The following CCNY variants were observed in gnomAD, a reference collection of about 807,000 sequenced individuals.
The protein encoded by CCNY is cyclin-Y.
CCNY carries 19 observed loss-of-function variants against 42.8 expected under a neutral mutation model. The observed-to-expected ratio is 0.44, with a 90% CI of 0.31 to 0.65. The LOEUF (loss-of-function observed/expected upper bound fraction) is 0.65. Ranked by LOEUF, CCNY falls within the 30% of genes least tolerant of loss-of-function variation. The probability of loss-of-function intolerance (pLI) is 0.07; values close to 1 mark genes in which losing one functional copy is unlikely to be tolerated. For synonymous variants in CCNY, 165 were observed against 162.7 expected (o/e 1.01, Z -0.11); for missense variants, 370 against 437.3 (o/e 0.85, Z 1.37).
intron 3 of CCNY, among the ~76,000 whole-genome samples, chr10:35,281,831 G>T (rs1228030762): frequency 6.6e-6 from 1 of 152,086 alleles, no homozygotes; most frequent in Non-Finnish European, 1.5e-5. Flanking sequence ...GGTGTTGATT[G>T]TGGTAATACT....
intron 7 of CCNY, among the ~76,000 whole-genome samples, chr10:35,536,979 T>C (rs1307008923): frequency 1.3e-5 from 2 of 151,996 alleles, no homozygotes; most frequent in Admixed American, 1.3e-4. Flanking sequence ...ATGTCAGAGG[T>C]CTTCAGGGCA....
At chr10:35,498,429 A>G (rs1840044622) in intron 2 of CCNY, among the ~76,000 whole-genome samples, 1 of 152,188 alleles carries the variant, frequency 6.6e-6, no homozygotes, top group Non-Finnish European at 1.5e-5. Flanking sequence ...CAGGCCCTTT[A>G]AGGATGGCTG....
chr10:35,401,993 C>T (rs1366878665), intron 1 of CCNY, among the ~76,000 whole-genome samples: 2 of 152,116 alleles, frequency 1.3e-5, no homozygotes, highest in Non-Finnish European at 2.9e-5. Context: ...AATATGATGG[C>T]TTAGCTTGGG....
At chr10:35,268,679 T>C (rs2095728093) in intron 3 of CCNY, among the ~76,000 whole-genome samples, 1 of 152,220 alleles carries the variant, frequency 6.6e-6, no homozygotes, top group Non-Finnish European at 1.5e-5. Flanking sequence ...CTTTGAAATC[T>C]AGGTGGAGAT....
intron 3 of CCNY, among the ~76,000 whole-genome samples, chr10:35,280,177 A>G (rs995750849): frequency 6.6e-6 from 1 of 152,166 alleles, no homozygotes; most frequent in Non-Finnish European, 1.5e-5. Context: ...AAATACAAAA[A>G]TTAGCCAAGC....
At chr10:35,455,357 C>T (rs1476709676) in intron 1 of CCNY, 1 of 152,176 alleles carries the variant, frequency 6.6e-6, no homozygotes, top group Non-Finnish European at 1.5e-5. Flanking sequence ...TGTTCTCTAG[C>T]ACAGGGAATC....
chr10:35,436,529 TG>T (rs1838536667), intron 1 of CCNY, among the ~76,000 whole-genome samples: 1 of 152,080 alleles, frequency 6.6e-6, no homozygotes, highest in Admixed American at 6.5e-5. Flanking sequence ...AGAGCTGTTG[TG>T]GGGGTCATGA....
chr10:35,268,541 C>T (rs1589008426), intron 3 of CCNY, among the ~76,000 whole-genome samples: 2 of 152,054 alleles, frequency 1.3e-5, no homozygotes, highest in South Asian at 4.1e-4. Context: ...TGCTGGTGGC[C>T]CCACAAGTCT....
chr10:35,400,953 G>A (rs929951498), intron 1 of CCNY, among the ~76,000 whole-genome samples: 1 of 152,150 alleles, frequency 6.6e-6, no homozygotes, highest in Non-Finnish European at 1.5e-5. Context: ...GAGAGAAATA[G>A]AAGGTGGTAG....
intron 3 of CCNY, among the ~76,000 whole-genome samples, chr10:35,327,452 T>A (rs1835892944): frequency 6.6e-6 from 1 of 152,236 alleles, no homozygotes; most frequent in African/African-American, 2.4e-5. Context: ...TGGCAATTTT[T>A]AGCATATTTT....
At chr10:35,544,099 T>C (rs1015647005) in intron 7 of CCNY, among the ~76,000 whole-genome samples, 1 of 152,232 alleles carries the variant, frequency 6.6e-6, no homozygotes, top group African/African-American at 2.4e-5. Context: ...TAATTTATTA[T>C]TACAGAAAAT....
chr10:35,394,072 A>C (rs963590207), intron 1 of CCNY, among the ~76,000 whole-genome samples: 7 of 152,186 alleles, frequency 4.6e-5, no homozygotes, highest in Admixed American at 3.3e-4. Flanking sequence ...CCCGTTCTTC[A>C]CTCTCCAGTG....
intron 1 of CCNY, among the ~76,000 whole-genome samples, chr10:35,427,669 A>G (rs894459533): frequency 6.6e-6 from 1 of 152,268 alleles, no homozygotes; most frequent in Non-Finnish European, 1.5e-5. Context: ...TGTGACCCAC[A>G]GGGTCATATG....
chr10:35,358,447 G>C (rs1423154726), intron 1 of CCNY, among the ~76,000 whole-genome samples: 1 of 152,180 alleles, frequency 6.6e-6, no homozygotes, highest in East Asian at 1.9e-4. Flanking sequence ...ATTCAGTGGA[G>C]AAAGACCAGA....
chr10:35,294,411 A>C (rs770583088), intron 3 of CCNY, among the ~76,000 whole-genome samples: 8 of 152,252 alleles, frequency 5.3e-5, no homozygotes, highest in Non-Finnish European at 1.2e-4. Flanking sequence ...AATGTCATTT[A>C]TCAGGTTGAG....
upstream of CCNY, among the ~76,000 whole-genome samples, chr10:35,331,643 G>A (rs1239072914): frequency 1.3e-5 from 2 of 152,082 alleles, no homozygotes; most frequent in African/African-American, 2.4e-5. Flanking sequence ...TCAACACAAC[G>A]TCCCTGGCAG....
intron 1 of CCNY, among the ~76,000 whole-genome samples, chr10:35,465,751 TA>T (rs1399628282): frequency 3.9e-5 from 6 of 152,116 alleles, no homozygotes; most frequent in African/African-American, 1.4e-4. Context: ...GTCCTCCAAA[TA>T]AAAATCCAGC....
At chr10:35,338,909 C>T (rs562519287) in intron 1 of CCNY, among the ~76,000 whole-genome samples, 5 of 152,302 alleles carry the variant, frequency 3.3e-5, no homozygotes, top group East Asian at 3.9e-4. Context: ...AGGTATTTGG[C>T]ACTAAGGCTC....
chr10:35,413,909 C>T (rs937383617), intron 1 of CCNY, among the ~76,000 whole-genome samples: 1 of 152,168 alleles, frequency 6.6e-6, no homozygotes, highest in Non-Finnish European at 1.5e-5. Context: ...TCGGGCACGT[C>T]GCTTTTGCCC....
Sources: allele counts gnomAD v4.1 joint callset (sites outside exome capture counted in the v4.1 genomes callset), GRCh38; gene constraint gnomAD v4.1.1; transcripts MANE v1.5; gene names NCBI Gene and HGNC (gene_info 2026-07-23, HGNC 2026-07-21).